The following DAGLB variants were observed in gnomAD, a reference collection of about 807,000 sequenced individuals.
DAGLB encodes diacylglycerol lipase beta.
A neutral mutation model predicts 72.1 loss-of-function variants in DAGLB; 66 were observed. That is an observed-to-expected ratio of 0.92 (90% CI 0.75 to 1.12). The LOEUF (loss-of-function observed/expected upper bound fraction) is 1.12. Ranked by LOEUF, DAGLB falls within the 50% of genes most tolerant of loss-of-function variation. DAGLB has a pLI of 0.00. For missense variants in DAGLB, 1,065 were observed against 884.9 expected (o/e 1.20, Z -2.58); for synonymous variants, 414 against 359.5 (o/e 1.15, Z -1.71).
chr7:6,432,225 G>A (rs539008957), intron 5 of DAGLB, among the ~76,000 whole-genome samples: 17 of 152,216 alleles, frequency 1.1e-4, no homozygotes, highest in Non-Finnish European at 1.9e-4. Flanking sequence ...GATGGTATGC[G>A]CCTGTAATCC....
At chr7:6,447,603 G>A in intron 1 of DAGLB, 145 bp downstream of exon 1, 1 of 1,172,176 alleles carries the variant, frequency 8.5e-7, no homozygotes, top group South Asian at 1.6e-5. Flanking sequence ...TTCGGGCAGT[G>A]GTGAGAACTC....
chr7:6,434,683 T>C, intron 4 of DAGLB, 79 bp downstream of exon 4: 4 of 1,585,328 alleles, frequency 2.5e-6, no homozygotes, highest in Admixed American at 1.8e-5. Context: ...CGCGGTTTTA[T>C]GGGAACAGAG....
At chr7:6,429,811 G>A (rs1284954236) in intron 6 of DAGLB, among the ~76,000 whole-genome samples, 2 of 152,078 alleles carry the variant, frequency 1.3e-5, no homozygotes, top group African/African-American at 2.4e-5. Context: ...TTGGGAGGCC[G>A]AGGCAGACGG....
chr7:6,420,317 G>A (rs1190202269), intron 9 of DAGLB, among the ~76,000 whole-genome samples: 2 of 151,950 alleles, frequency 1.3e-5, no homozygotes, highest in Non-Finnish European at 2.9e-5. Context: ...ACGTGCGCCT[G>A]TAGTCCCAGT....
Position 6,445,986 on chromosome 7 carries a change from T to G in DAGLB, c.214A>C (p.Thr72Pro). ...CTGACACACATGATGGCTGACACAGTACATATGACAACTGCCAGGAGAATC... is the reference window on the plus strand; with the variant it reads ...CTGACACACATGATGGCTGACACAGGACATATGACAACTGCCAGGAGAATC... ...LMILLAVVIC[T>P]VSAIMCVSMR... Residue 72 changes from threonine (T) to proline (P), a missense_variant, in exon 2 of 15, where the codon ACT becomes CCT. Coordinates refer to ENST00000297056, the MANE Select transcript of DAGLB (RefSeq NM_139179.4). 1.2e-6 allele frequency: 2 copies of G among 1,612,358 alleles called. No individual in the cohort carries two copies. The highest frequency in any genetic ancestry group is 1.7e-6 in the Non-Finnish European group (2 of 1,179,526).
At chr7:6,424,089 G>A (rs1048538804) in intron 8 of DAGLB, among the ~76,000 whole-genome samples, 1 of 152,192 alleles carries the variant, frequency 6.6e-6, no homozygotes, top group African/African-American at 2.4e-5. Flanking sequence ...CACAGGCTCT[G>A]GAGTCTCAAC....
At chr7:6,432,992 A>C in intron 4 of DAGLB, 33 bp from the exon 5 acceptor site, 1 of 1,603,862 alleles carries the variant, frequency 6.2e-7, no homozygotes, top group Non-Finnish European at 8.5e-7. Context: ...CTGTCATAAA[A>C]CCCAGCAGGC....
At chr7:6,429,283 G>C (rs1784406548) in intron 6 of DAGLB, among the ~76,000 whole-genome samples, 1 of 151,894 alleles carries the variant, frequency 6.6e-6, no homozygotes, top group Non-Finnish European at 1.5e-5. Context: ...TCTAATCATG[G>C]GGAAACCATC....
At position 6,424,826 on chromosome 7, in the gene DAGLB, G is replaced by A. The variant is rs1446389209; in HGVS notation, c.1066C>T (p.Leu356=). ...TGATCCAGAGCCACTAAAAACGGCA[G>A]CTCGTAAACCTGCAGGAGCAAGAAA... ...HVSFHDKVYE[L]PFLVALDHRK... The change falls in exon 8 of 15, where the codon CTG becomes TTG. Residue 356 remains leucine (L), a synonymous_variant. Transcript: ENST00000297056. 1.9e-6 allele frequency: 3 copies of A among 1,613,588 alleles called. No homozygotes were observed. The highest frequency in any genetic ancestry group is 2.2e-5 in the South Asian group (2 of 91,086).
At chr7:6,435,734 A>G (rs1226978154) in intron 3 of DAGLB, among the ~76,000 whole-genome samples, 2 of 152,144 alleles carry the variant, frequency 1.3e-5, no homozygotes, top group Non-Finnish European at 2.9e-5. Context: ...ATATGTTTAA[A>G]TATTTCACAC....
intron 6 of DAGLB, among the ~76,000 whole-genome samples, chr7:6,426,848 C>G (rs567834339): frequency 1.3e-5 from 2 of 152,324 alleles, no homozygotes; most frequent in East Asian, 3.9e-4. Flanking sequence ...GTGGCTGATG[C>G]CTGTAATCCG....
chr7:6,413,158 C>G, intron 11 of DAGLB, 124 bp from the exon 12 acceptor site: 1 of 1,019,882 alleles, frequency 9.8e-7, no homozygotes, highest in South Asian at 1.6e-5. Flanking sequence ...TCTCTCTTCT[C>G]TAAAGGGAGG....
At chr7:6,447,136 G>C (rs1202241983) in intron 1 of DAGLB, among the ~76,000 whole-genome samples, 1 of 152,304 alleles carries the variant, frequency 6.6e-6, no homozygotes, top group African/African-American at 2.4e-5. Flanking sequence ...ATGGCGCCCA[G>C]CCAAGAATCT....
chr7:6,412,022 C>A (rs1783745404), intron 13 of DAGLB, among the ~76,000 whole-genome samples: 1 of 152,090 alleles, frequency 6.6e-6, no homozygotes, highest in African/African-American at 2.4e-5. Context: ...TCAAGCGATT[C>A]TTCTGCCTCA....
Position 6,447,873 on chromosome 7 carries a change from A to C in DAGLB, c.-31T>G. On this transcript the variant is annotated 5_prime_UTR_variant, in exon 1 of 15. Coordinates refer to ENST00000297056, the MANE Select transcript of DAGLB (RefSeq NM_139179.4). ...AGGTCCCGTAGCTCGCACTCAGGAG[A>C]GACCCCGCGCGCCGTTCACCGAGAA... 6.3e-7 allele frequency: 1 copy of C among 1,580,338 alleles called. No homozygotes were observed. The highest frequency in any genetic ancestry group is 2.3e-5 in the East Asian group (1 of 43,652).
At chr7:6,430,765 A>G (rs1583294508) in intron 5 of DAGLB, among the ~76,000 whole-genome samples, 158 bp from the exon 6 acceptor site, 1 of 152,026 alleles carries the variant, frequency 6.6e-6, no homozygotes, top group East Asian at 1.9e-4. Flanking sequence ...TCCTTCAATA[A>G]GGATGACATG....
intron 2 of DAGLB, among the ~76,000 whole-genome samples, chr7:6,445,114 C>T (rs1451759075): frequency 1.3e-5 from 2 of 152,144 alleles, no homozygotes; most frequent in East Asian, 3.8e-4. Flanking sequence ...CATGATCCAG[C>T]AATTCACTCC....
intron 13 of DAGLB, among the ~76,000 whole-genome samples, chr7:6,411,439 T>C (rs925629979): frequency 7.9e-5 from 12 of 152,262 alleles, no homozygotes; most frequent in African/African-American, 2.4e-4. Flanking sequence ...CTGGGCAACA[T>C]GGTAAGACCC....
Position 6,413,028 on chromosome 7 carries a change from A to T in DAGLB, c.1434T>A (p.Ala478=). The T allele has an allele frequency of 6.2e-7, 1 of 1,612,546 alleles. No individual in the cohort carries two copies. Among genetic ancestry groups the T allele is most frequent in the Non-Finnish European group, 8.5e-7 (1 of 1,178,826 alleles). ...FSPPRGLWSK[A]LQEYSQSFIV... The stretch of plus-strand genomic sequence containing the variant: ...TGAAGCTCTGAGAATATTCCTGCAG[A>T]GCTTTGCTGAAATTCCAAACAGAGA... The change falls in exon 12 of 15, where the codon GCT becomes GCA. Residue 478 remains alanine (A), a synonymous_variant. Transcript: ENST00000297056.
Sources: gnomAD v4.1 joint callset for allele counts (sites outside exome capture counted in the v4.1 genomes callset) on GRCh38, gnomAD v4.1.1 for gene constraint, MANE v1.5 for transcripts, NCBI Gene and HGNC (gene_info 2026-07-23, HGNC 2026-07-21) for gene names.